The following DYM variants were observed in gnomAD, a reference collection of about 807,000 sequenced individuals.
The protein encoded by DYM is dymeclin.
A neutral mutation model predicts 93.1 loss-of-function variants in DYM; 78 were observed. That is an observed-to-expected ratio of 0.84 (90% CI 0.70 to 1.01). The LOEUF (loss-of-function observed/expected upper bound fraction) is 1.01. Ranked by LOEUF, DYM falls within the 50% of genes least tolerant of loss-of-function variation. The probability of loss-of-function intolerance (pLI) is 0.00; values close to 1 mark genes in which losing one functional copy is unlikely to be tolerated. For synonymous variants in DYM, 321 were observed against 319.7 expected, an observed-to-expected ratio of 1.00 and a Z score of -0.04; for missense variants, 789 against 845.0, an observed-to-expected ratio of 0.93 and a Z score of 0.82.
At chr18:49,258,807 C>CACACAGAGAG (rs2094437008) in intron 11 of DYM, among the ~76,000 whole-genome samples, 1 of 135,946 alleles carries the variant, frequency 7.4e-6, no homozygotes, top group African/African-American at 2.8e-5. Context: ...CACACACACA[C>CACACAGAGAG]ACACACACAC....
intron 13 of DYM, among the ~76,000 whole-genome samples, chr18:49,222,084 A>C (rs2093384389): frequency 1.3e-5 from 2 of 151,986 alleles, no homozygotes; most frequent in South Asian, 4.1e-4. Context: ...TTATATTCTA[A>C]GGACAAATAG....
intron 8 of DYM, among the ~76,000 whole-genome samples, chr18:49,326,992 CGTGTGTGTGTGT>C (rs10584298): frequency 0.015 from 1,410 of 93,372 alleles, 12 homozygotes; most frequent in African/African-American, 0.02. Context: ...TTTAAAAAAC[CGTGTGTGTGTGT>C]GTGTGTGTGT....
chr18:49,259,605 T>G (rs116148871), intron 11 of DYM, among the ~76,000 whole-genome samples: 26 of 152,202 alleles, frequency 1.7e-4, no homozygotes, highest in Non-Finnish European at 3.7e-4. Flanking sequence ...CTGGAAATAA[T>G]AAATTGTTAG....
At chr18:49,228,015 C>CT (rs1392668885) in intron 13 of DYM, among the ~76,000 whole-genome samples, 1 of 152,150 alleles carries the variant, frequency 6.6e-6, no homozygotes, top group Non-Finnish European at 1.5e-5. Context: ...CTTATGCTTC[C>CT]TACCAACATG....
chr18:49,443,965 T>G (rs1321274185), intron 1 of DYM, among the ~76,000 whole-genome samples: 1 of 152,198 alleles, frequency 6.6e-6, no homozygotes, highest in Admixed American at 6.5e-5. Context: ...CAGCTATGAA[T>G]ATTTTCCAAA....
chr18:49,428,866 T>G (rs2074551294), intron 2 of DYM, among the ~76,000 whole-genome samples: 1 of 152,204 alleles, frequency 6.6e-6, no homozygotes, highest in African/African-American at 2.4e-5. Context: ...AATTACATGA[T>G]ATATGAAACA....
intron 15 of DYM, among the ~76,000 whole-genome samples, chr18:49,146,716 A>C (rs1336692204): frequency 6.6e-6 from 1 of 152,248 alleles, no homozygotes; most frequent in East Asian, 1.9e-4. Flanking sequence ...AAATGGAAGA[A>C]CATTCTATGA....
intron 2 of DYM, among the ~76,000 whole-genome samples, chr18:49,403,748 C>A (rs1157738303): frequency 6.6e-6 from 1 of 151,002 alleles, no homozygotes; most frequent in Admixed American, 6.6e-5. Context: ...TCCTTCTTCC[C>A]CCCATAGTAG....
intron 14 of DYM, among the ~76,000 whole-genome samples, chr18:49,166,446 G>C (rs1045245359): frequency 4.6e-5 from 7 of 152,102 alleles, no homozygotes; most frequent in African/African-American, 1.7e-4. Context: ...GCATTGAAAT[G>C]AACACCCTTG....
chr18:49,187,146 C>T (rs112301173), intron 14 of DYM, among the ~76,000 whole-genome samples: 3,804 of 152,122 alleles, frequency 0.025, 69 homozygotes, highest in Non-Finnish European at 0.042. Flanking sequence ...GTCTCAATCT[C>T]CTGACCTCAT....
chr18:49,242,307 G>C (rs1354765770), intron 13 of DYM, among the ~76,000 whole-genome samples: 2 of 152,140 alleles, frequency 1.3e-5, no homozygotes, highest in East Asian at 1.9e-4. Context: ...CCAGCTACTT[G>C]GGAGGCTGAG....
intron 13 of DYM, among the ~76,000 whole-genome samples, chr18:49,236,288 G>A (rs997148928): frequency 1.3e-5 from 2 of 152,022 alleles, no homozygotes; most frequent in African/African-American, 4.8e-5. Context: ...AGACCATCCT[G>A]GCTAACACGG....
chr18:49,391,776 T>A, intron 2 of DYM, 131 bp from the exon 3 acceptor site: 1 of 684,666 alleles, frequency 1.5e-6, no homozygotes, highest in Non-Finnish European at 2.4e-6. Context: ...TAGTGAACAA[T>A]AAGATCAGCA....
At chr18:49,426,032 A>T (rs893143576) in intron 2 of DYM, among the ~76,000 whole-genome samples, 2 of 152,132 alleles carry the variant, frequency 1.3e-5, no homozygotes, top group South Asian at 4.1e-4. Flanking sequence ...TTGACCCAGA[A>T]ATCCCATTAC....
rs527952959 is a variant in DYM at position 49,362,307 on chromosome 18, G to T, written c.494+854C>A. Reference sequence around the variant, plus strand: ...GAAGCTGGGAGTTCGAGACCAACCTGGCCAACATAGTGAGGCCCTGTCTCT... The same window carrying T: ...GAAGCTGGGAGTTCGAGACCAACCTTGCCAACATAGTGAGGCCCTGTCTCT... On this transcript the variant is annotated intron_variant, in intron 6 of 17. Coordinates refer to ENST00000675505, the MANE Select transcript of DYM (RefSeq NM_001353214.3). Among the ~76,000 whole-genome samples, 3 of 152,226 alleles carry T rather than the reference G, an allele frequency of 2.0e-5. No homozygotes were observed. In the South Asian group the frequency reaches 6.2e-4, roughly 32 times the overall value.
intron 13 of DYM, among the ~76,000 whole-genome samples, chr18:49,236,969 G>C (rs895969483): frequency 3.3e-5 from 5 of 152,138 alleles, no homozygotes; most frequent in Non-Finnish European, 7.4e-5. Flanking sequence ...TCAGATCTGG[G>C]AGCAGTTCAC....
chr18:49,082,999 G>C (rs935316546), intron 17 of DYM, among the ~76,000 whole-genome samples: 1 of 152,230 alleles, frequency 6.6e-6, no homozygotes, highest in African/African-American at 2.4e-5. Flanking sequence ...ATCATGAACA[G>C]ATGTTAGGTT....
At chr18:49,404,717 C>G (rs1053693847) in intron 2 of DYM, among the ~76,000 whole-genome samples, 5 of 152,086 alleles carry the variant, frequency 3.3e-5, no homozygotes, top group Admixed American at 2.6e-4. Flanking sequence ...ATATGTCTCC[C>G]TTTGAAAACT....
intron 17 of DYM, among the ~76,000 whole-genome samples, chr18:49,051,929 C>G (rs1042447231): frequency 2.6e-5 from 4 of 152,260 alleles, no homozygotes; most frequent in African/African-American, 9.6e-5. Context: ...AACATGCAGA[C>G]AGCACTGCGC....
Sources: gnomAD v4.1 joint callset for allele counts (sites outside exome capture counted in the v4.1 genomes callset) on GRCh38, gnomAD v4.1.1 for gene constraint, MANE v1.5 for transcripts, NCBI Gene and HGNC (gene_info 2026-07-23, HGNC 2026-07-21) for gene names.